The following RSBN1L variants were observed in gnomAD, a reference collection of about 807,000 sequenced individuals.
RSBN1L encodes the protein round spermatid basic protein 1 like, also known as lysine-specific demethylase RSBN1L.
In RSBN1L, 30 loss-of-function variants were observed where a neutral mutation model predicts 67.7. The ratio of observed to expected loss-of-function variants is 0.44; its 90% CI spans 0.33 to 0.60. The LOEUF (loss-of-function observed/expected upper bound fraction) is 0.60, where lower values mean the gene tolerates loss of function less well. RSBN1L is among the 20% of genes least tolerant of loss of function. The probability of loss-of-function intolerance (pLI) is 0.02; values close to 1 mark genes in which losing one functional copy is unlikely to be tolerated. For missense variants in RSBN1L, 992 were observed against 1,031.7 expected (o/e 0.96, Z 0.53); for synonymous variants, 433 against 387.0 (o/e 1.12, Z -1.39).
chr7:77,740,970 TTTTTC>T (rs200526610), intron 2 of RSBN1L, among the ~76,000 whole-genome samples: 1,782 of 148,452 alleles, frequency 0.012, 42 homozygotes, highest in African/African-American at 0.04. Context: ...CCCATCAACA[TTTTTC>T]TTTTCTTTTC....
At chr7:77,702,064 C>T (rs963890115) in intron 1 of RSBN1L, among the ~76,000 whole-genome samples, 3 of 152,096 alleles carry the variant, frequency 2.0e-5, no homozygotes, top group Non-Finnish European at 2.9e-5. Context: ...CTCCCAGGTT[C>T]GCATGATTCT....
rs750541557 is a variant in RSBN1L at position 77,779,816 on chromosome 7, C to CT, written c.*662dup. The CT allele has an allele frequency of 0.016, 2,065 of 132,842 alleles. 38 individuals are homozygous for CT. The highest frequency in any genetic ancestry group is 0.047 in the African/African-American group (1,714 of 36,352). 8.2% of individuals were successfully genotyped at this position (132,842 alleles called of 1,614,324 possible). ...ATTTAAGTTCCTCACACTGTGCAGG[C>CT]TTTTTTTTTTTTTTCTTTTTTTCTT... On this transcript the variant is annotated 3_prime_UTR_variant, in exon 8 of 8. Coordinates refer to ENST00000334955, the MANE Select transcript of RSBN1L (RefSeq NM_198467.3).
intron 3 of RSBN1L, among the ~76,000 whole-genome samples, chr7:77,763,737 G>A (rs1791726236): frequency 1.3e-5 from 2 of 152,124 alleles, no homozygotes; most frequent in African/African-American, 4.8e-5. Context: ...CTGTTGCCCA[G>A]GCTGGAGTGC....
intron 1 of RSBN1L, among the ~76,000 whole-genome samples, chr7:77,724,356 C>T (rs572147386): frequency 2.6e-5 from 4 of 151,452 alleles, no homozygotes; most frequent in East Asian, 1.9e-4. Flanking sequence ...TTAATTCTTT[C>T]GGGAAGGAGA....
In RSBN1L at chr7:77,732,476, G is replaced by C. The variant is rs1049836892; in HGVS notation, c.587-3934G>C. Among the ~76,000 whole-genome samples the C allele has an allele frequency of 4.1e-4, 62 of 152,076 alleles. 1 individual carries two copies. Among genetic ancestry groups the C allele is most frequent in the Admixed American group, 4.1e-3 (62 of 15,264 alleles). On this transcript the variant is annotated intron_variant, in intron 1 of 7. Transcript: ENST00000334955. ...GCCTACCAAGTAGTGGGGATTAAAGGCACCCGCCACCATGCCCAGCTAATT... is the reference window on the plus strand; with the variant it reads ...GCCTACCAAGTAGTGGGGATTAAAGCCACCCGCCACCATGCCCAGCTAATT...
Position 77,697,183 on chromosome 7 carries a change from C to G in RSBN1L, c.586+128C>G, listed in dbSNP as rs369523147. 2.6e-4 allele frequency: 274 copies of G among 1,053,568 alleles called. 2 individuals carry two copies. In the East Asian group the frequency reaches 8.1e-3, roughly 31 times the overall value. The allele number at this position is 1,053,568 out of a possible 1,614,324, so 65.3% of individuals were successfully genotyped here. A position where few individuals can be genotyped will look rare whatever the true frequency, so the allele number is the denominator to read the frequency against. On this transcript the variant is annotated intron_variant, in intron 1 of 7. Transcript: ENST00000334955. ...CGGCCTGGAGGGGCTGGGAGGCGTC[C>G]GGTTTTCAGCAGAGGATTTTGCAGT... is the stretch of plus-strand genomic sequence containing the variant.
chr7:77,723,891 G>A (rs556575732), intron 1 of RSBN1L, among the ~76,000 whole-genome samples: 8 of 150,534 alleles, frequency 5.3e-5, no homozygotes, highest in Admixed American at 2.7e-4. Context: ...CTGAGATCAC[G>A]CCACTGCACT....
At chr7:77,747,686 G>A (rs1449243461) in intron 2 of RSBN1L, among the ~76,000 whole-genome samples, 3 of 152,206 alleles carry the variant, frequency 2.0e-5, no homozygotes, top group African/African-American at 7.2e-5. Context: ...CTAAAGGAAT[G>A]GAGCTCTCAT....
chr7:77,771,802 G>A (rs1435575292), intron 5 of RSBN1L, among the ~76,000 whole-genome samples: 1 of 150,678 alleles, frequency 6.6e-6, no homozygotes, highest in Non-Finnish European at 1.5e-5. Flanking sequence ...GAGCCACTGT[G>A]CCCGGCCTCC....
rs148303023 is a variant in RSBN1L at position 77,737,851 on chromosome 7, C to T, written c.703+1325C>T. ...CAGCCTGGCCGATGTGGTGAAACCTCGTCTCTACTAAAAATGAAAAATTAG... is the reference window on the plus strand; with the variant it reads ...CAGCCTGGCCGATGTGGTGAAACCTTGTCTCTACTAAAAATGAAAAATTAG... On this transcript the variant is annotated intron_variant, in intron 2 of 7. Transcript: ENST00000334955. Among the ~76,000 whole-genome samples, 853 of 152,064 alleles carry T rather than the reference C, an allele frequency of 5.6e-3. 8 individuals are homozygous for T. Among genetic ancestry groups the T allele is most frequent in the African/African-American group, 0.019 (807 of 41,470 alleles).
At chr7:77,743,238 G>A (rs143084959) in intron 2 of RSBN1L, among the ~76,000 whole-genome samples, 1 of 152,104 alleles carries the variant, frequency 6.6e-6, no homozygotes, top group African/African-American at 2.4e-5. Context: ...ATTTTTTGTA[G>A]AGACAGTGTC....
chr7:77,760,040 A>G (rs768710872), intron 3 of RSBN1L, among the ~76,000 whole-genome samples: 78 of 152,284 alleles, frequency 5.1e-4, no homozygotes, highest in Non-Finnish European at 1.0e-3. Flanking sequence ...TGTTATTACT[A>G]TATTTGCCTT....
chr7:77,767,051 T>G (rs1349456162), intron 4 of RSBN1L, among the ~76,000 whole-genome samples: 2 of 121,302 alleles, frequency 1.6e-5, no homozygotes, highest in Non-Finnish European at 3.4e-5. Context: ...TCCCTTCCCC[T>G]TCCCCTTCCC....
chr7:77,755,701 G>C (rs1791608372), intron 3 of RSBN1L, among the ~76,000 whole-genome samples: 1 of 151,620 alleles, frequency 6.6e-6, no homozygotes, highest in Admixed American at 6.6e-5. Flanking sequence ...AACAACCTCT[G>C]ATAAGCCCAC....
rs537520959 is a variant in RSBN1L at position 77,752,071 on chromosome 7, G to A, written c.1344+2007G>A. On this transcript the variant is annotated intron_variant, in intron 3 of 7. Coordinates refer to ENST00000334955, the MANE Select transcript of RSBN1L (RefSeq NM_198467.3). The stretch of plus-strand genomic sequence containing the variant: ...CTAAACTATCTAATATGTACACCAT[G>A]AAAACTGCTTTTGTTACTAAATAAA... Among the ~76,000 whole-genome samples the A allele has an allele frequency of 3.9e-5, 6 of 152,294 alleles. No individual in the cohort carries two copies. In the East Asian group the frequency reaches 7.7e-4, roughly 20 times the overall value.
intron 1 of RSBN1L, among the ~76,000 whole-genome samples, chr7:77,718,030 G>A (rs1791070748): frequency 6.6e-6 from 1 of 152,130 alleles, no homozygotes; most frequent in South Asian, 2.1e-4. Context: ...GAAAAGAAAG[G>A]GAGAAGAGAT....
At chr7:77,724,431 T>C (rs991741389) in intron 1 of RSBN1L, among the ~76,000 whole-genome samples, 7 of 151,244 alleles carry the variant, frequency 4.6e-5, no homozygotes, top group African/African-American at 1.7e-4. Flanking sequence ...TTTTCTTTTT[T>C]CTTTTTTTTT....
chr7:77,731,845 CTT>C (rs879328651), intron 1 of RSBN1L, among the ~76,000 whole-genome samples: 1 of 142,672 alleles, frequency 7.0e-6, no homozygotes, highest in Non-Finnish European at 1.5e-5. Context: ...CTAGTTTAGA[CTT>C]TTTTTTTTTT....
At chr7:77,716,141 G>A (rs956736532) in intron 1 of RSBN1L, among the ~76,000 whole-genome samples, 3 of 151,928 alleles carry the variant, frequency 2.0e-5, no homozygotes, top group African/African-American at 7.3e-5. Context: ...TGCATCTTTT[G>A]TTTCTTAACT....
Sources: gnomAD v4.1 joint callset for allele counts (sites outside exome capture counted in the v4.1 genomes callset) on GRCh38, gnomAD v4.1.1 for gene constraint, MANE v1.5 for transcripts, NCBI Gene and HGNC (gene_info 2026-07-23, HGNC 2026-07-21) for gene names.